Variants in PLEKHG3 observed in about 807,000 individuals in gnomAD.
PLEKHG3 encodes pleckstrin homology and RhoGEF domain containing G3.
A neutral mutation model predicts 94.9 loss-of-function variants in PLEKHG3; 62 were observed. The observed-to-expected ratio is 0.65, with a 90% CI of 0.53 to 0.81. The LOEUF is 0.81. PLEKHG3 is among the 30% of genes least tolerant of loss of function. The probability of loss-of-function intolerance (pLI) is 0.00; values close to 1 mark genes in which losing one functional copy is unlikely to be tolerated. For synonymous variants in PLEKHG3, 614 were observed against 654.0 expected (o/e 0.94, Z 0.93); for missense variants, 1,461 against 1,619.3 (o/e 0.90, Z 1.68).
chr14:64,706,371 T>G (rs1265910141), intron 1 of PLEKHG3, among the ~76,000 whole-genome samples: 3 of 152,244 alleles, frequency 2.0e-5, no homozygotes, highest in Non-Finnish European at 4.4e-5. Context: ...GATGTCCTCA[T>G]TGTCTGATCT....
chr14:64,734,980 C>T (rs1200669725), intron 12 of PLEKHG3, among the ~76,000 whole-genome samples: 2 of 152,160 alleles, frequency 1.3e-5, no homozygotes, highest in Non-Finnish European at 2.9e-5. Flanking sequence ...CCCGCCTCGG[C>T]CTCACAGAGT....
rs150120531 is a variant in PLEKHG3 at position 64,742,233 on chromosome 14, C to T, written c.2716C>T (p.Arg906Cys). ...QGELVAPLHP[R>C]IVQLSHVMDS... ...GGAGCTGGTGGCCCCACTGCACCCC[C>T]GCATCGTGCAGCTCTCCCACGTAAT... The change falls in exon 16 of 17, where the codon CGC (arginine) becomes TGC (cysteine). Residue 906 changes from arginine to cysteine, a missense_variant. Physicochemically the swap from Arg to Cys is radical, Grantham distance 180 (BLOSUM62 -3). Coordinates refer to ENST00000247226, the MANE Select transcript of PLEKHG3 (RefSeq NM_001308147.2). The T allele has an allele frequency of 3.2e-4, 516 of 1,613,050 alleles. No individual in the cohort carries two copies. Among genetic ancestry groups the T allele is most frequent in the Middle Eastern group, 6.6e-4 (4 of 6,062 alleles).
chr14:64,739,266 C>G lies in PLEKHG3; in HGVS notation c.1518+411C>G, dbSNP rs927887329. ...AACTGATATCTGTTGGACACCTCCTCTGTAACTGATGTGTTATTTCTTCCT... is the reference window on the plus strand; with the variant it reads ...AACTGATATCTGTTGGACACCTCCTGTGTAACTGATGTGTTATTTCTTCCT... On this transcript the variant is annotated intron_variant, in intron 15 of 16. Transcript: ENST00000247226. The surrounding 1 kb of genome is among the most constrained non-coding windows in gnomAD (Gnocchi z 4.1). 7.9e-5 allele frequency among the ~76,000 whole-genome samples: 12 copies of G among 152,218 alleles called. No homozygotes were observed. The highest frequency in any genetic ancestry group is 2.4e-4 in the African/African-American group (10 of 41,440).
At position 64,749,733 on chromosome 14, in the gene PLEKHG3, T is replaced by A; in HGVS notation, c.*6030T>A. ...AAGGGTTTCCTGTCATGGAGACACC[T>A]CTGGAGGGGGCGCTGGGCAGAGGGC... On this transcript the variant is annotated 3_prime_UTR_variant, in exon 17 of 17. Transcript: ENST00000247226. The surrounding 1 kb of genome is among the most constrained non-coding windows in gnomAD (Gnocchi z 4.7). 6.2e-7 allele frequency: 1 copy of A among 1,609,698 alleles called. No homozygotes were observed.
Position 64,745,313 on chromosome 14 carries a change from G to T in PLEKHG3, c.*1610G>T, listed in dbSNP as rs774098343. 1.3e-5 allele frequency: 2 copies of T among 152,202 alleles called. No homozygotes were observed. The highest frequency in any genetic ancestry group is 2.9e-5 in the Non-Finnish European group (2 of 68,042). The allele number at this position is 152,202 out of a possible 1,614,324, so 9.4% of individuals were successfully genotyped here. On this transcript the variant is annotated 3_prime_UTR_variant, in exon 17 of 17. Coordinates refer to ENST00000247226, the MANE Select transcript of PLEKHG3 (RefSeq NM_001308147.2). This position sits in a 1 kb window ranked among gnomAD's most constrained non-coding sequence, Gnocchi z 5.0. Reference sequence around the variant, plus strand: ...TTTTTTTCTAGCTGGGGCCTGGGAGGTAGAGGCTTCAGGGCCTGGGTGGTA... The same window carrying T: ...TTTTTTTCTAGCTGGGGCCTGGGAGTTAGAGGCTTCAGGGCCTGGGTGGTA...
At position 64,742,111 on chromosome 14, in the gene PLEKHG3, C is replaced by T. The variant is rs1444219048; in HGVS notation, c.2594C>T (p.Ser865Phe). 6.2e-7 allele frequency: 1 copy of T among 1,610,486 alleles called. No homozygotes were observed. The change falls in exon 16 of 17, where the codon TCC becomes TTC. Residue 865 changes from serine (S) to phenylalanine (F), a missense_variant. Around this residue, in one of 3 missense-constraint regions of PLEKHG3, gnomAD observed 1,201 missense variants for 1,295.5 expected, o/e 0.93. Coordinates refer to ENST00000247226, the MANE Select transcript of PLEKHG3 (RefSeq NM_001308147.2). ...ATCACAGAGGAGTCGGCCACTGCCT[C>T]CCCGGAAAGCTCCTCTCCCACTGAG... ...GAITEESATA[S>F]PESSSPTEGR...
At chr14:64,705,123 G>C (rs1364339514) in intron 1 of PLEKHG3, among the ~76,000 whole-genome samples, 1 of 152,178 alleles carries the variant, frequency 6.6e-6, no homozygotes, top group African/African-American at 2.4e-5. Flanking sequence ...TGCCAGCCCC[G>C]GAGGCGCCTG....
In PLEKHG3 at chr14:64,743,540, G is replaced by T. The variant is rs1365733798; in HGVS notation, c.3497G>T (p.Gly1166Val). The part of the protein sequence containing the change: ...TAGLEESSGQ[G>V]PSSPVALLGQ... ...GGGCTGGAGGAGAGCAGTGGCCAGG[G>T]ACCAAGCTCACCGGTGGCCCTGCTG... The change falls in exon 17 of 17, where the codon GGA becomes GTA. Residue 1166 changes from glycine to valine, a missense_variant. Transcript: ENST00000247226. This position sits in a 1 kb window ranked among gnomAD's most constrained non-coding sequence, Gnocchi z 7.2. The T allele has an allele frequency of 6.2e-7, 1 of 1,613,022 alleles. No homozygotes were observed. The highest frequency in any genetic ancestry group is 1.3e-5 in the African/African-American group (1 of 75,060).
chr14:64,733,168 T>TC (rs2081506985), intron 12 of PLEKHG3, among the ~76,000 whole-genome samples: 1 of 126,350 alleles, frequency 7.9e-6, no homozygotes, highest in South Asian at 2.5e-4. Flanking sequence ...CTTTTTCTTT[T>TC]TTTTTTTTTT....
At chr14:64,712,447 C>T (rs2081077771) in intron 1 of PLEKHG3, among the ~76,000 whole-genome samples, 1 of 151,982 alleles carries the variant, frequency 6.6e-6, no homozygotes, top group African/African-American at 2.4e-5. Flanking sequence ...GTTAAATGTT[C>T]CATTCCATGA....
rs1381612214 is a variant in PLEKHG3, at chr14:64,722,245, G to A, written c.-39-5348G>A. Among the ~76,000 whole-genome samples, 1 of 152,000 alleles carries A rather than the reference G, an allele frequency of 6.6e-6. No individual in the cohort carries two copies. The highest frequency in any genetic ancestry group is 1.5e-5 in the Non-Finnish European group (1 of 68,000). ...TTTTTTGTTTTTGAGATGGAGTTTC[G>A]CTCTCATTGCCTAGGCTGGAGTGCA... On this transcript the variant is annotated intron_variant, in intron 1 of 16. Coordinates refer to ENST00000247226, the MANE Select transcript of PLEKHG3 (RefSeq NM_001308147.2). The surrounding 1 kb of genome is among the most constrained non-coding windows in gnomAD (Gnocchi z 4.3).
chr14:64,749,217 G>C lies in PLEKHG3; in HGVS notation c.*5514G>C. 6.8e-7 allele frequency: 1 copy of C among 1,473,400 alleles called. No individual in the cohort carries two copies. The highest frequency in any genetic ancestry group is 1.2e-5 in the South Asian group (1 of 82,188). The allele number at this position is 1,473,400 out of a possible 1,614,324, so 91.3% of individuals were successfully genotyped here. A position where few individuals can be genotyped will look rare whatever the true frequency, so the allele number is the denominator to read the frequency against. On this transcript the variant is annotated 3_prime_UTR_variant, in exon 17 of 17. Coordinates refer to ENST00000247226, the MANE Select transcript of PLEKHG3 (RefSeq NM_001308147.2). This position sits in a 1 kb window ranked among gnomAD's most constrained non-coding sequence, Gnocchi z 4.7. ...CCCGCGACTCGACTCATCTCGATTC[G>C]ACCGGCGGGCGGCGGCGAGAGGAGG... is the stretch of plus-strand genomic sequence containing the variant.
rs139893245 is a variant in PLEKHG3, at chr14:64,741,788, C to A, written c.2271C>A (p.Phe757Leu). 7 of 1,613,376 alleles carry A rather than the reference C, an allele frequency of 4.3e-6. No individual in the cohort carries two copies. The highest frequency in any genetic ancestry group is 5.9e-6 in the Non-Finnish European group (7 of 1,180,042). ...KGLVRNSISRFNSLPRPDPEP... is the reference protein window; with the variant it reads ...KGLVRNSISRLNSLPRPDPEP... ...TGGTAAGAAACTCCATCTCCAGGTT[C>A]AACAGCCTTCCCCGGCCAGACCCAG... The change falls in exon 16 of 17, where the codon TTC (phenylalanine) becomes TTA (leucine). Residue 757 changes from phenylalanine to leucine, a missense_variant. Physicochemically the swap from Phe to Leu is conservative, Grantham distance 22 (BLOSUM62 0). Transcript: ENST00000247226.
At position 64,714,273 on chromosome 14, in the gene PLEKHG3, T is replaced by G. The variant is rs144620074; in HGVS notation, c.-40+9569T>G. Among the ~76,000 whole-genome samples the G allele has an allele frequency of 4.6e-5, 7 of 152,292 alleles. No homozygotes were observed. The East Asian group carries it at 1.3e-3, about 29-fold the overall frequency. On this transcript the variant is annotated intron_variant, in intron 1 of 16. Transcript: ENST00000247226. ...TGAGGTCTGGGGCATATGAGACATG[T>G]GAGTGGATGGCTATGGTGGGGTAGA...
rs746622067 is a variant in PLEKHG3 at position 64,730,629 on chromosome 14, G to T, written c.520-13G>T. On this transcript the variant is annotated splice_polypyrimidine_tract_variant and intron_variant, in intron 4 of 16. Transcript: ENST00000247226. This position sits in a 1 kb window ranked among gnomAD's most constrained non-coding sequence, Gnocchi z 5.4. ...GAATCTCCCTGAAATCACTATTTTTGATCTCTTCTTAGAGCCAAGAGTTTG... is the reference window on the plus strand; with the variant it reads ...GAATCTCCCTGAAATCACTATTTTTTATCTCTTCTTAGAGCCAAGAGTTTG... 4.4e-5 allele frequency: 71 copies of T among 1,605,138 alleles called. No individual in the cohort carries two copies. The highest frequency in any genetic ancestry group is 5.1e-5 in the Non-Finnish European group (60 of 1,172,154).
chr14:64,721,301 G>A lies in PLEKHG3; in HGVS notation c.-39-6292G>A, dbSNP rs923438116. On this transcript the variant is annotated intron_variant, in intron 1 of 16. Coordinates refer to ENST00000247226, the MANE Select transcript of PLEKHG3 (RefSeq NM_001308147.2). The surrounding 1 kb of genome is among the most constrained non-coding windows in gnomAD (Gnocchi z 4.3). Reference sequence around the variant, plus strand: ...GTTGGGTAGGTGGGGACAGGGGGGTGTAGATGAACAGCCCTCCCTCTGAGC... The same window carrying A: ...GTTGGGTAGGTGGGGACAGGGGGGTATAGATGAACAGCCCTCCCTCTGAGC... Among the ~76,000 whole-genome samples the A allele has an allele frequency of 1.3e-5, 2 of 152,164 alleles. No homozygotes were observed. Among genetic ancestry groups the A allele is most frequent in the East Asian group, 3.9e-4 (2 of 5,182 alleles).
At chr14:64,734,391 C>T (rs946631420) in intron 12 of PLEKHG3, among the ~76,000 whole-genome samples, 1 of 152,100 alleles carries the variant, frequency 6.6e-6, no homozygotes, top group Admixed American at 6.5e-5. Flanking sequence ...CAAGTGATAA[C>T]GTTGGTGGTA....
intron 1 of PLEKHG3, among the ~76,000 whole-genome samples, chr14:64,707,790 G>A (rs1410865643): frequency 6.6e-6 from 1 of 152,200 alleles, no homozygotes; most frequent in Non-Finnish European, 1.5e-5. Flanking sequence ...ACACACCTTG[G>A]TTTCAAATCC....
chr14:64,729,766 A>G (rs561435327), intron 3 of PLEKHG3, among the ~76,000 whole-genome samples: 1 of 152,278 alleles, frequency 6.6e-6, no homozygotes, highest in East Asian at 1.9e-4. Flanking sequence ...ACTTAGGCCA[A>G]TGGTGAGGGG....
Sources: allele counts gnomAD v4.1 joint callset (sites outside exome capture counted in the v4.1 genomes callset), GRCh38; gene constraint gnomAD v4.1.1; regional missense constraint gnomAD v4.1.1; non-coding constraint Gnocchi (gnomAD v3.1); transcripts MANE v1.5; gene names NCBI Gene and HGNC (gene_info 2026-07-23, HGNC 2026-07-21).